C5orf58: variants seen among roughly 807,000 people sequenced by gnomAD.
C5orf58 encodes the protein chromosome 5 open reading frame 58.
A neutral mutation model predicts 2.9 loss-of-function variants in C5orf58; 2 were observed. The ratio of observed to expected loss-of-function variants is 0.69; its 90% CI spans 0.28 to 2.18. The LOEUF (loss-of-function observed/expected upper bound fraction) is 2.18. C5orf58 is among the 30% of genes most tolerant of loss of function. The pLI, the probability that C5orf58 is intolerant of heterozygous loss-of-function variation, is 0.13. For synonymous variants in C5orf58, 37 were observed against 33.4 expected, an observed-to-expected ratio of 1.11 and a Z score of -0.37; for missense variants, 96 against 91.7, an observed-to-expected ratio of 1.05 and a Z score of -0.19.
chr5:170,251,612 G>T, intron 2 of C5orf58: 1 of 455,976 alleles, frequency 2.2e-6, no homozygotes, highest in South Asian at 1.5e-5. Flanking sequence ...CCATGAGTTG[G>T]CAATAATGAC....
chr5:170,241,034 T>C (rs1368143503), intron 3 of C5orf58, among the ~76,000 whole-genome samples: 3 of 146,804 alleles, frequency 2.0e-5, no homozygotes, highest in African/African-American at 7.6e-5. Flanking sequence ...AAATAGGGAA[T>C]CCTTTCCCCA....
At chr5:170,236,392 A>C (rs1760742008) in intron 3 of C5orf58, among the ~76,000 whole-genome samples, 2 of 152,208 alleles carry the variant, frequency 1.3e-5, no homozygotes, top group Admixed American at 6.5e-5. Context: ...ATGGCCAAAT[A>C]AGTTTGGAAA....
intron 3 of C5orf58, among the ~76,000 whole-genome samples, chr5:170,245,117 G>T (rs1761204612): frequency 6.6e-6 from 1 of 152,204 alleles, no homozygotes; most frequent in Non-Finnish European, 1.5e-5. Flanking sequence ...ACTTGAGGAG[G>T]CAGTCTGCCC....
At position 170,234,968 on chromosome 5, in the gene C5orf58, TA is replaced by T; in HGVS notation, c.1-5del. 1 of 1,361,902 alleles carries T rather than the reference TA, an allele frequency of 7.3e-7. No individual in the cohort carries two copies. Among genetic ancestry groups the T allele is most frequent in the Admixed American group, 2.2e-5 (1 of 46,434 alleles). 84.4% of individuals were successfully genotyped at this position (1,361,902 alleles called of 1,614,324 possible). A position where few individuals can be genotyped will look rare whatever the true frequency, so the allele number is the denominator to read the frequency against. ...TTATACATTGTTTCTGTTTTTCTTT[TA>T]AAATCAGATGGGTAAGAAGCGTGTT... On this transcript the variant is annotated splice_region_variant and splice_polypyrimidine_tract_variant and intron_variant, in intron 2 of 3. Coordinates refer to ENST00000593851, the MANE Select transcript of C5orf58 (RefSeq NM_001102609.3).
intron 3 of C5orf58, among the ~76,000 whole-genome samples, chr5:170,240,601 C>T (rs1183301488): frequency 4.9e-4 from 75 of 151,862 alleles, no homozygotes; most frequent in African/African-American, 1.2e-3. Context: ...TCATGTCCTT[C>T]GCCCACTTTT....
At position 170,246,137 on chromosome 5, in the gene C5orf58, G is replaced by C; in HGVS notation, c.*24G>C. 6.3e-7 allele frequency: 1 copy of C among 1,581,958 alleles called. No individual in the cohort carries two copies. The highest frequency in any genetic ancestry group is 8.6e-7 in the Non-Finnish European group (1 of 1,160,238). ...GATTTCTTATTTGTTATGAGTTTCT[G>C]TTTTATTGTTGAACTAACAAATATT... is the stretch of plus-strand genomic sequence containing the variant. On this transcript the variant is annotated 3_prime_UTR_variant, in exon 4 of 4. Coordinates refer to ENST00000593851, the MANE Select transcript of C5orf58 (RefSeq NM_001102609.3).
At chr5:170,242,066 A>G (rs1275813074) in intron 3 of C5orf58, among the ~76,000 whole-genome samples, 2 of 145,936 alleles carry the variant, frequency 1.4e-5, no homozygotes, top group Admixed American at 6.8e-5. Context: ...CTCTGTTTAT[A>G]TGCTGGATTA....
At chr5:170,241,318 T>A (rs1375787553) in intron 3 of C5orf58, among the ~76,000 whole-genome samples, 2 of 150,620 alleles carry the variant, frequency 1.3e-5, no homozygotes, top group African/African-American at 4.9e-5. Flanking sequence ...GTGAAGAAAG[T>A]CATTGGTAGC....
chr5:170,249,519 C>T (rs1478718265), downstream of C5orf58, among the ~76,000 whole-genome samples: 1 of 151,850 alleles, frequency 6.6e-6, no homozygotes, highest in Non-Finnish European at 1.5e-5. Context: ...TTGGTTTCTG[C>T]ATCTCTATTT....
At chr5:170,248,520 T>G (rs761615020), downstream of C5orf58, 3 of 640,118 alleles carry the variant, frequency 4.7e-6, no homozygotes, top group Non-Finnish European at 8.2e-6. Context: ...ATAAATAAAT[T>G]ATGGGATAGT....
At chr5:170,236,981 A>T (rs550616087) in intron 3 of C5orf58, among the ~76,000 whole-genome samples, 2 of 152,342 alleles carry the variant, frequency 1.3e-5, no homozygotes, top group Non-Finnish European at 2.9e-5. Context: ...TTCTTAAAAA[A>T]TTTTTATTAA....
intron 2 of C5orf58, 59 bp downstream of exon 2, chr5:170,234,257 C>A: frequency 1.9e-6 from 2 of 1,049,824 alleles, no homozygotes; most frequent in Non-Finnish European, 2.7e-6. Context: ...CCACCTTTCA[C>A]ACTGCTGGAG....
downstream of C5orf58, chr5:170,248,856 G>T (rs747010697): frequency 2.5e-6 from 4 of 1,604,164 alleles, no homozygotes; most frequent in East Asian, 6.7e-5. Flanking sequence ...GTCAACATTG[G>T]AATGAAAAGC....
Position 170,245,737 on chromosome 5 carries a change from G to A in C5orf58, c.95-225G>A, listed in dbSNP as rs923919010. On this transcript the variant is annotated intron_variant, in intron 3 of 3. Coordinates refer to ENST00000593851, the MANE Select transcript of C5orf58 (RefSeq NM_001102609.3). ...AATGCAGAAATCACCTGTCTTCTGC[G>A]TCGCTCACGCTGGGAGCTGTAGACC... is the stretch of plus-strand genomic sequence containing the variant. Among the ~76,000 whole-genome samples, 6 of 152,290 alleles carry A rather than the reference G, an allele frequency of 3.9e-5. No individual in the cohort carries two copies. The East Asian group carries it at 5.8e-4, about 15-fold the overall frequency.
chr5:170,245,097 T>TCAGGGAC (rs1265992587), intron 3 of C5orf58, among the ~76,000 whole-genome samples: 1 of 152,098 alleles, frequency 6.6e-6, no homozygotes, highest in Non-Finnish European at 1.5e-5. Flanking sequence ...GGGTCAGGGG[T>TCAGGGAC]CAGGGACCCA....
In C5orf58 at chr5:170,243,918, A is replaced by G. The variant is rs1220683874; in HGVS notation, c.95-2044A>G. Among the ~76,000 whole-genome samples, 840 of 143,894 alleles carry G rather than the reference A, an allele frequency of 5.8e-3. 5 individuals carry two copies. Among genetic ancestry groups the G allele is most frequent in the African/African-American group, 0.021 (804 of 38,020 alleles). 94.4% of individuals were successfully genotyped at this position (143,894 alleles called of 152,430 possible). A position where few individuals can be genotyped will look rare whatever the true frequency, so the allele number is the denominator to read the frequency against. Reference sequence around the variant, plus strand: ...GCATGATTTTGCAGCGGCTGGTACCAGTTGTTCCTTTCCATGTTTAGCACT... The same window carrying G: ...GCATGATTTTGCAGCGGCTGGTACCGGTTGTTCCTTTCCATGTTTAGCACT... On this transcript the variant is annotated intron_variant, in intron 3 of 3. Coordinates refer to ENST00000593851, the MANE Select transcript of C5orf58 (RefSeq NM_001102609.3).
downstream of C5orf58, chr5:170,250,945 T>A: frequency 7.1e-7 from 1 of 1,410,306 alleles, no homozygotes; most frequent in East Asian, 2.3e-5. Context: ...TTGTTGCTTG[T>A]AAGAGTAGTA....
downstream of C5orf58, chr5:170,251,131 A>G (rs1168161596): frequency 1.5e-5 from 6 of 413,736 alleles, no homozygotes; most frequent in East Asian, 4.5e-5. Flanking sequence ...TTCCAAGTCA[A>G]TCTCGTTAAA....
intron 3 of C5orf58, among the ~76,000 whole-genome samples, chr5:170,243,163 TC>T (rs1642332375): frequency 6.7e-6 from 1 of 149,872 alleles, no homozygotes; most frequent in Non-Finnish European, 1.5e-5. Context: ...TAATCTCTGT[TC>T]TTTTACATTT....
Sources: allele counts gnomAD v4.1 joint callset (sites outside exome capture counted in the v4.1 genomes callset), GRCh38; gene constraint gnomAD v4.1.1; transcripts MANE v1.5; gene names NCBI Gene and HGNC (gene_info 2026-07-23, HGNC 2026-07-21).